DLG2: variants seen among roughly 807,000 people sequenced by gnomAD.
DLG2 encodes discs large MAGUK scaffold protein 2.
Under a neutral mutation model 132.5 loss-of-function variants are expected in DLG2, and 45 were observed. The observed-to-expected ratio is 0.34, with a 90% CI of 0.27 to 0.44. DLG2 has a LOEUF of 0.44. Ranked by LOEUF, DLG2 falls within the 20% of genes least tolerant of loss-of-function variation. The probability of loss-of-function intolerance (pLI) is 1.00; values close to 1 mark genes in which losing one functional copy is unlikely to be tolerated. For synonymous variants in DLG2, 424 were observed against 419.6 expected (o/e 1.01, Z -0.13); for missense variants, 1,045 against 1,196.9 (o/e 0.87, Z 1.87).
At chr11:85,333,008 C>T (rs146424351) in intron 3 of DLG2, among the ~76,000 whole-genome samples, 6 of 152,164 alleles carry the variant, frequency 3.9e-5, no homozygotes, top group East Asian at 3.9e-4. Context: ...TAGTTTGATA[C>T]GAATAGCATT....
intron 21 of DLG2, among the ~76,000 whole-genome samples, chr11:83,513,889 T>G (rs1383057655): frequency 6.6e-6 from 1 of 152,188 alleles, no homozygotes; most frequent in Non-Finnish European, 1.5e-5. Context: ...TTGGTCTATA[T>G]CTCTGTTTTG....
At chr11:85,308,009 G>T (rs1006672916) in intron 3 of DLG2, among the ~76,000 whole-genome samples, 2 of 151,832 alleles carry the variant, frequency 1.3e-5, no homozygotes, top group African/African-American at 4.8e-5. Flanking sequence ...ACAAAAATTA[G>T]CTGGGTGTGG....
chr11:85,489,688 T>C (rs1485218207), intron 3 of DLG2, among the ~76,000 whole-genome samples: 2 of 152,158 alleles, frequency 1.3e-5, no homozygotes, highest in East Asian at 3.8e-4. Flanking sequence ...AAAATCATAT[T>C]TTTGAAAATC....
intron 18 of DLG2, among the ~76,000 whole-genome samples, chr11:83,680,324 C>T (rs2078552504): frequency 6.6e-6 from 1 of 152,146 alleles, no homozygotes; most frequent in Non-Finnish European, 1.5e-5. Flanking sequence ...TACAGTGCAG[C>T]TCAAAGGTAC....
intron 15 of DLG2, among the ~76,000 whole-genome samples, chr11:83,897,645 T>C (rs377290101): frequency 1.8e-4 from 28 of 152,288 alleles, no homozygotes; most frequent in African/African-American, 6.5e-4. Flanking sequence ...CAATCACCCA[T>C]TGATTTATTC....
At chr11:85,277,984 G>T (rs576245112) in intron 4 of DLG2, among the ~76,000 whole-genome samples, 1 of 152,118 alleles carries the variant, frequency 6.6e-6, no homozygotes, top group East Asian at 1.9e-4. Context: ...GGCTCACAAC[G>T]ACCTGAAGAA....
At chr11:83,609,751 A>G (rs1300782841) in intron 19 of DLG2, among the ~76,000 whole-genome samples, 2 of 152,024 alleles carry the variant, frequency 1.3e-5, no homozygotes, top group Non-Finnish European at 2.9e-5. Context: ...AGCAAAAAAA[A>G]CCCTGCTGGA....
At chr11:85,500,523 C>A (rs1470120763) in intron 3 of DLG2, among the ~76,000 whole-genome samples, 1 of 135,918 alleles carries the variant, frequency 7.4e-6, no homozygotes, top group African/African-American at 3.0e-5. Context: ...CACATGTACC[C>A]TAAAACTTAG....
chr11:85,300,171 AT>A (rs1231361033), intron 3 of DLG2, among the ~76,000 whole-genome samples: 1 of 152,242 alleles, frequency 6.6e-6, no homozygotes, highest in Non-Finnish European at 1.5e-5. Flanking sequence ...ACTAAGCAAA[AT>A]ATGACAAATT....
intron 3 of DLG2, among the ~76,000 whole-genome samples, chr11:85,362,824 G>A (rs946188427): frequency 1.3e-5 from 2 of 152,054 alleles, no homozygotes; most frequent in Non-Finnish European, 2.9e-5. Flanking sequence ...TTGATACTGA[G>A]TATCTTATTC....
chr11:84,206,241 T>A (rs954529197), intron 8 of DLG2, among the ~76,000 whole-genome samples: 2 of 152,108 alleles, frequency 1.3e-5, no homozygotes, highest in Admixed American at 1.3e-4. Flanking sequence ...GTTGAAAACA[T>A]TGAATGTGAA....
At chr11:84,704,301 G>A (rs866396185) in intron 6 of DLG2, among the ~76,000 whole-genome samples, 1 of 151,432 alleles carries the variant, frequency 6.6e-6, no homozygotes, top group Non-Finnish European at 1.5e-5. Flanking sequence ...GTTCTGCAAA[G>A]TTTTGTTCTT....
At chr11:83,563,348 G>A (rs927917140) in intron 19 of DLG2, among the ~76,000 whole-genome samples, 12 of 152,092 alleles carry the variant, frequency 7.9e-5, no homozygotes, top group African/African-American at 2.7e-4. Context: ...TCCCCTTACT[G>A]AAGTAGTGAA....
At chr11:84,161,102 T>C (rs1256057574) in intron 9 of DLG2, among the ~76,000 whole-genome samples, 1 of 152,220 alleles carries the variant, frequency 6.6e-6, no homozygotes, top group African/African-American at 2.4e-5. Context: ...TCTCTAGCCA[T>C]ATCCAGTTGC....
chr11:83,611,956 G>A (rs1460352903), intron 19 of DLG2, among the ~76,000 whole-genome samples: 1 of 152,204 alleles, frequency 6.6e-6, no homozygotes, highest in Non-Finnish European at 1.5e-5. Context: ...TGCATTTGAA[G>A]TAGCACACAG....
chr11:84,086,477 C>A (rs565447392), intron 10 of DLG2, among the ~76,000 whole-genome samples: 12 of 137,104 alleles, frequency 8.8e-5, no homozygotes, highest in Non-Finnish European at 1.8e-4. Flanking sequence ...TCTGTTTTTT[C>A]TTTTTCTTTC....
At chr11:85,249,543 T>G (rs1458860542) in intron 4 of DLG2, among the ~76,000 whole-genome samples, 1 of 152,080 alleles carries the variant, frequency 6.6e-6, no homozygotes, top group Admixed American at 6.6e-5. Flanking sequence ...TATAACAAAG[T>G]AGGCTCTTTC....
At chr11:83,537,751 G>A (rs1182996152) in intron 20 of DLG2, among the ~76,000 whole-genome samples, 2 of 138,294 alleles carry the variant, frequency 1.4e-5, no homozygotes, top group African/African-American at 5.4e-5. Flanking sequence ...GGAGGTGGAG[G>A]TTGCAGTGAG....
At chr11:83,691,438 T>C (rs1193418196) in intron 18 of DLG2, among the ~76,000 whole-genome samples, 1 of 152,136 alleles carries the variant, frequency 6.6e-6, no homozygotes, top group African/African-American at 2.4e-5. Flanking sequence ...CTTTTCATTC[T>C]CCCTCTTCGA....
Sources: allele counts gnomAD v4.1 joint callset (sites outside exome capture counted in the v4.1 genomes callset), GRCh38; gene constraint gnomAD v4.1.1; transcripts MANE v1.5; gene names NCBI Gene and HGNC (gene_info 2026-07-23, HGNC 2026-07-21).